The following TAFA1 variants were observed in gnomAD, a reference collection of about 807,000 sequenced individuals.
The protein encoded by TAFA1 is chemokine-like protein TAFA-1.
In TAFA1, 4 loss-of-function variants were observed where a neutral mutation model predicts 18.5. The observed-to-expected ratio is 0.22, with a 90% CI of 0.11 to 0.49. TAFA1 has a LOEUF of 0.49. TAFA1 is among the 20% of genes least tolerant of loss of function. The pLI is 0.98. For missense variants in TAFA1, 147 were observed against 169.0 expected, an observed-to-expected ratio of 0.87 and a Z score of 0.72; for synonymous variants, 56 against 55.2, an observed-to-expected ratio of 1.01 and a Z score of -0.06.
chr3:68,468,331 G>T (rs1045230756), intron 3 of TAFA1, among the ~76,000 whole-genome samples: 3 of 152,176 alleles, frequency 2.0e-5, no homozygotes, highest in African/African-American at 4.8e-5. Context: ...TGGCATAGAG[G>T]TTGAAATATG....
At chr3:68,236,439 GC>G (rs1228645942) in intron 2 of TAFA1, among the ~76,000 whole-genome samples, 1 of 152,172 alleles carries the variant, frequency 6.6e-6, no homozygotes, top group African/African-American at 2.4e-5. Flanking sequence ...AAAATACTTG[GC>G]TAAAGCCACT....
intron 2 of TAFA1, among the ~76,000 whole-genome samples, chr3:68,297,074 G>GGAC (rs2068220443): frequency 6.6e-6 from 1 of 152,168 alleles, no homozygotes. Context: ...AGGTAAAATA[G>GGAC]GACATTCAAG....
intron 2 of TAFA1, among the ~76,000 whole-genome samples, chr3:68,273,082 G>A (rs1328581250): frequency 6.6e-6 from 1 of 151,934 alleles, no homozygotes; most frequent in East Asian, 1.9e-4. Context: ...CACAGGCTAT[G>A]AAAAAAAGAA....
chr3:68,521,250 G>T (rs192482446), intron 3 of TAFA1, among the ~76,000 whole-genome samples: 79 of 152,298 alleles, frequency 5.2e-4, no homozygotes, highest in African/African-American at 1.7e-3. Flanking sequence ...GCAGACCTTT[G>T]CTTGCTCTCA....
chr3:68,041,352 A>T lies in TAFA1; in HGVS notation c.118+34608A>T, dbSNP rs115732112. On this transcript the variant is annotated intron_variant, in intron 2 of 4. Transcript: ENST00000478136. The stretch of plus-strand genomic sequence containing the variant: ...TTTTGTACTCTCCAAGAGTTTATGC[A>T]TGGATTAAAGTTAGAGAACACACAT... Among the ~76,000 whole-genome samples the T allele has an allele frequency of 1.1e-3, 173 of 152,364 alleles. 1 individual carries two copies. The highest frequency in any genetic ancestry group is 4.8e-3 in the East Asian group (25 of 5,182).
intron 3 of TAFA1, among the ~76,000 whole-genome samples, chr3:68,461,119 T>C (rs923362349): frequency 2.6e-5 from 4 of 151,742 alleles, no homozygotes; most frequent in African/African-American, 9.7e-5. Context: ...TCGACTCTAA[T>C]GAAAATACAA....
intron 2 of TAFA1, among the ~76,000 whole-genome samples, chr3:68,122,955 G>A (rs1471449784): frequency 6.6e-6 from 1 of 151,564 alleles, no homozygotes; most frequent in Non-Finnish European, 1.5e-5. Context: ...TGACTCATTA[G>A]GGAGAGGTGG....
Position 68,545,483 on chromosome 3 carries a change from G to A in TAFA1, c.*980G>A, listed in dbSNP as rs2073444261. 1 of 152,560 alleles carries A rather than the reference G, an allele frequency of 6.6e-6. No individual in the cohort carries two copies. The highest frequency in any genetic ancestry group is 1.5e-5 in the Non-Finnish European group (1 of 68,024). The allele number at this position is 152,560 out of a possible 1,614,324, so 9.5% of individuals were successfully genotyped here. ...GTCTTATCATGGCATCTCTTTCTAT[G>A]TTTGGTTTGCTTTTTCCAAGAGTAT... On this transcript the variant is annotated 3_prime_UTR_variant, in exon 5 of 5. Coordinates refer to ENST00000478136, the MANE Select transcript of TAFA1 (RefSeq NM_213609.4).
intron 3 of TAFA1, among the ~76,000 whole-genome samples, chr3:68,479,241 A>AAAAAAAAAAATAT (rs1353493315): frequency 1.2e-4 from 15 of 123,660 alleles, no homozygotes; most frequent in African/African-American, 5.0e-4. Flanking sequence ...AAAAAAAAAA[A>AAAAAAAAAAATAT]ATATATATAT....
intron 2 of TAFA1, among the ~76,000 whole-genome samples, chr3:68,348,956 G>A (rs545158602): frequency 3.9e-4 from 59 of 151,936 alleles, no homozygotes; most frequent in African/African-American, 1.4e-3. Flanking sequence ...TTGATACAAG[G>A]TGTAGAAGCT....
At chr3:68,509,942 C>G (rs1218147445) in intron 3 of TAFA1, among the ~76,000 whole-genome samples, 1 of 152,094 alleles carries the variant, frequency 6.6e-6, no homozygotes, top group Non-Finnish European at 1.5e-5. Flanking sequence ...TTTATGCCCT[C>G]TTGACTCAAG....
intron 3 of TAFA1, among the ~76,000 whole-genome samples, chr3:68,489,915 TGA>T: frequency 6.6e-6 from 1 of 152,354 alleles, no homozygotes; most frequent in African/African-American, 2.4e-5. Flanking sequence ...GCCAGCTGGA[TGA>T]GCCATCTTTT....
intron 2 of TAFA1, among the ~76,000 whole-genome samples, chr3:68,286,282 C>T (rs558561978): frequency 1.4e-3 from 216 of 151,286 alleles, no homozygotes; most frequent in African/African-American, 4.8e-3. Context: ...AAAAATAGAC[C>T]AGTATTAGGT....
chr3:68,475,963 G>T (rs2072086917), intron 3 of TAFA1, among the ~76,000 whole-genome samples: 1 of 152,136 alleles, frequency 6.6e-6, no homozygotes, highest in South Asian at 2.1e-4. Context: ...GTCTTCTTTT[G>T]AGAAGTGTCT....
At chr3:68,226,281 G>T (rs922647788) in intron 2 of TAFA1, among the ~76,000 whole-genome samples, 4 of 152,282 alleles carry the variant, frequency 2.6e-5, no homozygotes, top group African/African-American at 9.6e-5. Context: ...CAAAGTGTCT[G>T]ATATGCTTTC....
At chr3:67,998,673 CAG>C in the TAFA1 span, among the ~76,000 whole-genome samples, 1 of 152,214 alleles carries the variant, frequency 6.6e-6, no homozygotes, top group Non-Finnish European at 1.5e-5. Context: ...ATAGCCCAGG[CAG>C]CCATTGGCAG....
intron 2 of TAFA1, among the ~76,000 whole-genome samples, chr3:68,012,673 T>C (rs1274931122): frequency 1.3e-5 from 2 of 152,228 alleles, no homozygotes; most frequent in Non-Finnish European, 2.9e-5. Context: ...GGAATGAACA[T>C]ATATTGCTTT....
chr3:68,200,649 T>C (rs925381965), intron 2 of TAFA1, among the ~76,000 whole-genome samples: 7 of 151,608 alleles, frequency 4.6e-5, no homozygotes, highest in African/African-American at 1.2e-4. Context: ...TATTATACTT[T>C]CAATGTACAT....
At chr3:68,353,263 G>C (rs535873536) in intron 2 of TAFA1, among the ~76,000 whole-genome samples, 9 of 152,204 alleles carry the variant, frequency 5.9e-5, no homozygotes, top group African/African-American at 2.2e-4. Flanking sequence ...GACAAACAAG[G>C]AGTCTGTAGC....
Sources: gnomAD v4.1 joint callset for allele counts (sites outside exome capture counted in the v4.1 genomes callset) on GRCh38, gnomAD v4.1.1 for gene constraint, MANE v1.5 for transcripts, NCBI Gene and HGNC (gene_info 2026-07-23, HGNC 2026-07-21) for gene names.